The following SPAST variants were observed in gnomAD, a reference collection of about 807,000 sequenced individuals.
SPAST encodes spastic paraplegia 4 (autosomal dominant; spastin).
SPAST carries 30 observed loss-of-function variants against 76.6 expected under a neutral mutation model. The ratio of observed to expected loss-of-function variants is 0.39; its 90% CI spans 0.29 to 0.53. The LOEUF is 0.53. SPAST is among the 20% of genes least tolerant of loss of function. The pLI is 0.68. For missense variants in SPAST, 717 were observed against 770.5 expected, an observed-to-expected ratio of 0.93 and a Z score of 0.82; for synonymous variants, 305 against 281.0, an observed-to-expected ratio of 1.09 and a Z score of -0.86.
intron 9 of SPAST, among the ~76,000 whole-genome samples, chr2:32,133,287 G>A (rs532292306): frequency 1.6e-4 from 24 of 152,266 alleles, no homozygotes; most frequent in African/African-American, 5.8e-4. Flanking sequence ...TAAGTATACA[G>A]CTGTATACAG....
intron 1 of SPAST, 122 bp downstream of exon 1, chr2:32,064,368 T>C (rs545113384): frequency 6.6e-6 from 6 of 912,272 alleles, no homozygotes; most frequent in South Asian, 4.7e-5. Flanking sequence ...GGAATTGATA[T>C]GCCCCGGGAG....
intron 9 of SPAST, among the ~76,000 whole-genome samples, chr2:32,135,875 A>G (rs1165403595): frequency 6.6e-6 from 1 of 152,112 alleles, no homozygotes; most frequent in African/African-American, 2.4e-5. Flanking sequence ...CTTAAAGACT[A>G]TCTAATGAAT....
chr2:32,106,346 C>T (rs952114258), intron 4 of SPAST, among the ~76,000 whole-genome samples: 2 of 152,144 alleles, frequency 1.3e-5, no homozygotes, highest in African/African-American at 4.8e-5. Flanking sequence ...CCCTATTTTC[C>T]AGGTACCATA....
At chr2:32,069,877 A>G (rs1353447110) in intron 1 of SPAST, among the ~76,000 whole-genome samples, 2 of 151,792 alleles carry the variant, frequency 1.3e-5, no homozygotes, top group African/African-American at 2.4e-5. Flanking sequence ...TTCTAATTTA[A>G]CTGAAAACCA....
chr2:32,124,301 C>T (rs1679120675), intron 7 of SPAST, among the ~76,000 whole-genome samples: 1 of 152,098 alleles, frequency 6.6e-6, no homozygotes, highest in Non-Finnish European at 1.5e-5. Context: ...GGAAATTGCG[C>T]ATTAAAACAA....
rs376053495 is a variant in SPAST, at chr2:32,067,461, G to A, written c.415+3215G>A. ...CTAGGCATGAAAAATAAAAGACCCT[G>A]AGCTCTTAGATTTGAAGAAATAGCA... On this transcript the variant is annotated intron_variant, in intron 1 of 16. Transcript: ENST00000315285. Among the ~76,000 whole-genome samples, 20 of 152,162 alleles carry A rather than the reference G, an allele frequency of 1.3e-4. No homozygotes were observed. In the South Asian group the frequency reaches 3.5e-3, roughly 27 times the overall value.
intron 1 of SPAST, among the ~76,000 whole-genome samples, chr2:32,069,579 C>G (rs945109517): frequency 3.5e-5 from 5 of 141,768 alleles, no homozygotes; most frequent in African/African-American, 5.3e-5. Flanking sequence ...TTTTTTGAGA[C>G]AGAGTCTTGC....
intron 1 of SPAST, among the ~76,000 whole-genome samples, chr2:32,082,110 A>G (rs1677258420): frequency 7.1e-6 from 1 of 140,720 alleles, no homozygotes; most frequent in South Asian, 2.3e-4. Context: ...CTCCTGCCTC[A>G]GCCTCCCAAA....
intron 7 of SPAST, among the ~76,000 whole-genome samples, chr2:32,119,836 T>C (rs1222885779): frequency 6.6e-6 from 1 of 152,198 alleles, no homozygotes; most frequent in African/African-American, 2.4e-5. Flanking sequence ...GCGTATATTC[T>C]TCTGTCCTTA....
chr2:32,113,452 G>C (rs1442374369), intron 4 of SPAST, among the ~76,000 whole-genome samples: 1 of 151,206 alleles, frequency 6.6e-6, no homozygotes, highest in Admixed American at 6.6e-5. Context: ...AGTTATAATA[G>C]TTTGGAATCA....
rs550583108 is a variant in SPAST, at chr2:32,088,311, G to A, written c.502+733G>A. Among the ~76,000 whole-genome samples, 111 of 152,242 alleles carry A rather than the reference G, an allele frequency of 7.3e-4. 1 individual carries two copies. Among genetic ancestry groups the A allele is most frequent in the Non-Finnish European group, 9.9e-4 (67 of 68,002 alleles). On this transcript the variant is annotated intron_variant, in intron 2 of 16. Transcript: ENST00000315285. ...GCTTTCCAAAGTTGTGGGATTACAGGCATGAGCCACTGTACCCAGCCAGAT... is the reference window on the plus strand; with the variant it reads ...GCTTTCCAAAGTTGTGGGATTACAGACATGAGCCACTGTACCCAGCCAGAT...
In SPAST at chr2:32,115,296, G is replaced by A. The variant is rs569226184; in HGVS notation, c.871-406G>A. Among the ~76,000 whole-genome samples, 37 of 151,798 alleles carry A rather than the reference G, an allele frequency of 2.4e-4. No homozygotes were observed. In the South Asian group the frequency reaches 7.5e-3, roughly 31 times the overall value. On this transcript the variant is annotated intron_variant, in intron 5 of 16. Transcript: ENST00000315285. ...GGCAACTTGCTATAAAACTTTTTTT[G>A]GACCTCATTAGACATTTAATACCAA... is the stretch of plus-strand genomic sequence containing the variant.
intron 3 of SPAST, among the ~76,000 whole-genome samples, chr2:32,096,683 A>G (rs917404669): frequency 6.6e-6 from 1 of 152,090 alleles, no homozygotes; most frequent in African/African-American, 2.4e-5. Context: ...TTTTTATTAC[A>G]TAATGAATGG....
At chr2:32,122,152 A>G (rs1008742679) in intron 7 of SPAST, among the ~76,000 whole-genome samples, 10 of 152,302 alleles carry the variant, frequency 6.6e-5, no homozygotes, top group African/African-American at 2.4e-4. Context: ...CCAAATGGCT[A>G]TAGCTGTCAG....
At position 32,137,153 on chromosome 2, in the gene SPAST, T is replaced by C; in HGVS notation, c.1458T>C (p.Thr486=). The change falls in exon 12 of 17, where the codon ACT becomes ACC. Residue 486 remains threonine (T), a synonymous_variant. Coordinates refer to ENST00000315285, the MANE Select transcript of SPAST (RefSeq NM_014946.4). ...ACAGAGTACTTGTAATGGGTGCAAC[T>C]AATAGGCCACAAGAGCTTGATGAGG... ...GDDRVLVMGA[T]NRPQELDEAV... is the part of the protein sequence containing the mutation. The C allele has an allele frequency of 6.2e-7, 1 of 1,613,960 alleles. No homozygotes were observed. Among genetic ancestry groups the C allele is most frequent in the Non-Finnish European group, 8.5e-7 (1 of 1,179,844 alleles).
intron 12 of SPAST, among the ~76,000 whole-genome samples, chr2:32,141,694 CATAA>C (rs1420835926): frequency 6.6e-6 from 1 of 152,186 alleles, no homozygotes; most frequent in Non-Finnish European, 1.5e-5. Context: ...CATATACATA[CATAA>C]ATGATTAATT....
Position 32,064,182 on chromosome 2 carries a change from A to T in SPAST, c.351A>T (p.Arg117=). 2.6e-6 allele frequency: 4 copies of T among 1,550,568 alleles called. No homozygotes were observed. The highest frequency in any genetic ancestry group is 1.4e-5 in the African/African-American group (1 of 73,016). The change falls in exon 1 of 17, where the codon CGA becomes CGT. Residue 117 remains arginine (R), a synonymous_variant. Transcript: ENST00000315285. The part of the protein sequence containing the change: ...PVPGGEAERV[R]VFHKQAFEYI... ...CGGGCGGCGAGGCCGAGCGCGTCCG[A>T]GTCTTCCACAAACAGGCCTTCGAGT...
intron 9 of SPAST, among the ~76,000 whole-genome samples, chr2:32,134,113 G>A (rs1408301917): frequency 1.3e-5 from 2 of 152,122 alleles, no homozygotes; most frequent in Admixed American, 6.6e-5. Context: ...ATGGCTCACT[G>A]CAGCCTCAGC....
At chr2:32,127,132 A>T in intron 8 of SPAST, 110 bp downstream of exon 8, 1 of 797,146 alleles carries the variant, frequency 1.3e-6, no homozygotes, top group South Asian at 1.4e-5. Flanking sequence ...GCTTTTTGCT[A>T]TTGTACACTT....
Sources: allele counts gnomAD v4.1 joint callset (sites outside exome capture counted in the v4.1 genomes callset), GRCh38; gene constraint gnomAD v4.1.1; transcripts MANE v1.5; gene names NCBI Gene and HGNC (gene_info 2026-07-23, HGNC 2026-07-21).